Variants in ADARB2 observed in about 807,000 individuals in gnomAD.
The protein encoded by ADARB2 is inactive double-stranded RNA-specific editase B2.
Under a neutral mutation model 62.2 loss-of-function variants are expected in ADARB2, and 25 were observed. The ratio of observed to expected loss-of-function variants is 0.40; its 90% confidence interval spans 0.29 to 0.56. The LOEUF is 0.56. ADARB2 is among the 20% of genes least tolerant of loss of function. The probability of loss-of-function intolerance (pLI) is 0.43; values close to 1 mark genes in which losing one functional copy is unlikely to be tolerated. For missense variants in ADARB2, 1,071 were observed against 1,077.4 expected, an observed-to-expected ratio of 0.99 and a Z score of 0.08; for synonymous variants, 572 against 500.8, an observed-to-expected ratio of 1.14 and a Z score of -1.90.
chr10:1,298,611 C>A (rs573441671), intron 3 of ADARB2, among the ~76,000 whole-genome samples: 1 of 151,958 alleles, frequency 6.6e-6, no homozygotes, highest in Admixed American at 6.5e-5. Context: ...ACAGGACACA[C>A]GTGGATGGAG....
At chr10:1,617,005 G>A (rs1051660262) in intron 1 of ADARB2, among the ~76,000 whole-genome samples, 3 of 151,374 alleles carry the variant, frequency 2.0e-5, no homozygotes, top group African/African-American at 4.9e-5. Flanking sequence ...CTAGATGTTT[G>A]TGTGCCCGTC....
intron 1 of ADARB2, among the ~76,000 whole-genome samples, chr10:1,632,656 T>G (rs555963114): frequency 2.3e-4 from 35 of 152,368 alleles, no homozygotes; most frequent in African/African-American, 8.4e-4. Flanking sequence ...AGTCAAGGAC[T>G]GATGGCAGAT....
At chr10:1,598,890 G>C (rs934274563) in intron 1 of ADARB2, among the ~76,000 whole-genome samples, 1 of 152,218 alleles carries the variant, frequency 6.6e-6, no homozygotes, top group Non-Finnish European at 1.5e-5. Context: ...AAGCCCAGGG[G>C]AGGGAGCGGA....
intron 1 of ADARB2, among the ~76,000 whole-genome samples, chr10:1,642,083 TTTC>T (rs1319641384): frequency 8.5e-5 from 13 of 152,244 alleles, no homozygotes; most frequent in South Asian, 2.1e-4. Context: ...TTTATTATGA[TTTC>T]TTTTTATTTT....
At chr10:1,674,983 G>A (rs4880528) in intron 1 of ADARB2, 1 of 921,108 alleles carries the variant, frequency 1.1e-6, no homozygotes, top group Non-Finnish European at 1.3e-6. Context: ...TTTGGGTTTG[G>A]GGGGTACATG....
At chr10:1,451,106 T>C (rs893994605) in intron 1 of ADARB2, among the ~76,000 whole-genome samples, 3 of 152,228 alleles carry the variant, frequency 2.0e-5, no homozygotes, top group Non-Finnish European at 2.9e-5. Flanking sequence ...TGGGAAGTCC[T>C]ACAGCAAAGA....
intron 1 of ADARB2, among the ~76,000 whole-genome samples, chr10:1,470,180 C>A (rs1158448626): frequency 6.6e-6 from 1 of 151,588 alleles, no homozygotes; most frequent in South Asian, 2.1e-4. Context: ...CAAATGATTC[C>A]CCTAGCCACT....
At chr10:1,468,212 C>A (rs1831276739) in intron 1 of ADARB2, among the ~76,000 whole-genome samples, 1 of 152,046 alleles carries the variant, frequency 6.6e-6, no homozygotes. Flanking sequence ...ATGTAAAACC[C>A]AGCCAAGCCC....
intron 1 of ADARB2, among the ~76,000 whole-genome samples, chr10:1,483,812 C>T (rs1256859974): frequency 6.6e-6 from 1 of 151,250 alleles, no homozygotes; most frequent in Non-Finnish European, 1.5e-5. Context: ...ACCATTTCAA[C>T]TTTCAAAGTA....
chr10:1,270,835 GTCTT>G (rs1831254097), intron 4 of ADARB2, 116 bp downstream of exon 4: 3 of 821,048 alleles, frequency 3.7e-6, no homozygotes, highest in Admixed American at 4.7e-5. Flanking sequence ...ATAATATTTT[GTCTT>G]TCTTTGTCAC....
intron 1 of ADARB2, among the ~76,000 whole-genome samples, chr10:1,725,284 G>C (rs778665180): frequency 6.6e-6 from 1 of 152,216 alleles, no homozygotes; most frequent in Non-Finnish European, 1.5e-5. Flanking sequence ...AACCGGAGTG[G>C]TCTCGCGATG....
At chr10:1,335,315 GAGGGAGGGATGA>G (rs1039100681) in intron 3 of ADARB2, among the ~76,000 whole-genome samples, 9 of 150,222 alleles carry the variant, frequency 6.0e-5, no homozygotes, top group Non-Finnish European at 1.3e-4. Context: ...TGCAGGGATG[GAGGGAGGGATGA>G]AGGGAGAGAT....
intron 2 of ADARB2, among the ~76,000 whole-genome samples, chr10:1,374,771 C>T (rs1206860989): frequency 6.6e-6 from 1 of 152,210 alleles, no homozygotes; most frequent in Admixed American, 6.5e-5. Context: ...TGCGTGCCTG[C>T]GGGTCAGACG....
intron 1 of ADARB2, among the ~76,000 whole-genome samples, chr10:1,701,720 C>A (rs527270220): frequency 1.1e-5 from 1 of 91,072 alleles, no homozygotes; most frequent in Non-Finnish European, 2.3e-5. Context: ...ACCAGGCACT[C>A]GCCAATACAC....
intron 1 of ADARB2, among the ~76,000 whole-genome samples, chr10:1,639,800 C>A (rs947585334): frequency 2.6e-5 from 4 of 152,180 alleles, no homozygotes; most frequent in African/African-American, 9.7e-5. Context: ...GGAGATCATG[C>A]CACTGCACTC....
intron 1 of ADARB2, among the ~76,000 whole-genome samples, chr10:1,395,602 GTTC>G (rs1832605222): frequency 5.9e-5 from 9 of 152,246 alleles, no homozygotes; most frequent in African/African-American, 1.9e-4. Context: ...GCGCCTCCAG[GTTC>G]CAGTGCAGGG....
At chr10:1,204,660 T>A (rs550137267) in intron 7 of ADARB2, among the ~76,000 whole-genome samples, 1 of 152,292 alleles carries the variant, frequency 6.6e-6, no homozygotes, top group Non-Finnish European at 1.5e-5. Flanking sequence ...TTGTGACTGC[T>A]CTAAAACCAC....
At chr10:1,630,559 G>A (rs1212961982) in intron 1 of ADARB2, among the ~76,000 whole-genome samples, 1 of 152,218 alleles carries the variant, frequency 6.6e-6, no homozygotes, top group African/African-American at 2.4e-5. Context: ...ACTCTGGGCA[G>A]GGCAGAGGGG....
intron 1 of ADARB2, among the ~76,000 whole-genome samples, chr10:1,670,250 G>C (rs1203661085): frequency 1.3e-5 from 2 of 152,224 alleles, no homozygotes; most frequent in Non-Finnish European, 2.9e-5. Context: ...GTAAGTTAAA[G>C]AGATAGTATT....
Sources: gnomAD v4.1 joint callset for allele counts (sites outside exome capture counted in the v4.1 genomes callset) on GRCh38, gnomAD v4.1.1 for gene constraint, MANE v1.5 for transcripts, NCBI Gene and HGNC (gene_info 2026-07-23, HGNC 2026-07-21) for gene names.